The following ERBB4 variants were observed in gnomAD, a reference collection of about 807,000 sequenced individuals.
ERBB4 encodes erb-b2 receptor tyrosine kinase 4, also known as receptor tyrosine-protein kinase erbB-4.
In ERBB4, 42 loss-of-function variants were observed where a neutral mutation model predicts 158.0. That is an observed-to-expected ratio of 0.27 (90% CI 0.21 to 0.34). The LOEUF (loss-of-function observed/expected upper bound fraction) is 0.34. Ranked by LOEUF, ERBB4 falls within the 10% of genes least tolerant of loss-of-function variation. The pLI, the probability that ERBB4 is intolerant of heterozygous loss-of-function variation, is 1.00. For synonymous variants in ERBB4, 583 were observed against 558.7 expected, an observed-to-expected ratio of 1.04 and a Z score of -0.61; for missense variants, 1,333 against 1,624.1, an observed-to-expected ratio of 0.82 and a Z score of 3.08.
chr2:212,098,933 A>T (rs2079004786), intron 2 of ERBB4, among the ~76,000 whole-genome samples: 1 of 152,040 alleles, frequency 6.6e-6, no homozygotes, highest in Non-Finnish European at 1.5e-5. Flanking sequence ...CACCTACTGT[A>T]CTACCCATGG....
intron 3 of ERBB4, among the ~76,000 whole-genome samples, chr2:211,906,380 T>A (rs1225470535): frequency 6.6e-6 from 1 of 152,108 alleles, no homozygotes; most frequent in Non-Finnish European, 1.5e-5. Context: ...ATAGCTCACA[T>A]TCACAGAAAT....
chr2:211,991,863 G>A (rs1338403592), intron 2 of ERBB4, among the ~76,000 whole-genome samples: 2 of 152,166 alleles, frequency 1.3e-5, no homozygotes, highest in Non-Finnish European at 2.9e-5. Context: ...TCTGTTTTCA[G>A]TAGAAGTACA....
At chr2:211,772,025 T>A (rs926274702) in intron 4 of ERBB4, among the ~76,000 whole-genome samples, 1 of 152,196 alleles carries the variant, frequency 6.6e-6, no homozygotes, top group Non-Finnish European at 1.5e-5. Flanking sequence ...AAAGGTAATA[T>A]ATACTAGAAA....
chr2:211,773,983 C>T (rs770905934), intron 4 of ERBB4, among the ~76,000 whole-genome samples: 11 of 151,740 alleles, frequency 7.2e-5, no homozygotes, highest in Non-Finnish European at 1.3e-4. Context: ...TAACTTATTC[C>T]GTTGATCAAA....
At chr2:212,480,309 A>G (rs1231974131) in intron 1 of ERBB4, among the ~76,000 whole-genome samples, 1 of 152,170 alleles carries the variant, frequency 6.6e-6, no homozygotes, top group Non-Finnish European at 1.5e-5. Context: ...CAGTATGTAA[A>G]AAGCTTGGCA....
chr2:211,775,327 A>G (rs2075845948), intron 4 of ERBB4, among the ~76,000 whole-genome samples: 1 of 152,096 alleles, frequency 6.6e-6, no homozygotes, highest in African/African-American at 2.4e-5. Context: ...TTTCTAGTTA[A>G]TAGATTATGC....
chr2:212,263,921 A>G (rs2085035680), intron 1 of ERBB4, among the ~76,000 whole-genome samples: 1 of 152,020 alleles, frequency 6.6e-6, no homozygotes, highest in Non-Finnish European at 1.5e-5. Context: ...TGCCATTGTA[A>G]TTGTTAGACC....
At chr2:211,930,511 T>C (rs894039742) in intron 3 of ERBB4, among the ~76,000 whole-genome samples, 2 of 152,136 alleles carry the variant, frequency 1.3e-5, no homozygotes, top group African/African-American at 4.8e-5. Flanking sequence ...GGTTACCGAG[T>C]CTGCAAACCA....
At chr2:212,013,564 G>GT (rs1257521997) in intron 2 of ERBB4, among the ~76,000 whole-genome samples, 1 of 152,184 alleles carries the variant, frequency 6.6e-6, no homozygotes, top group African/African-American at 2.4e-5. Flanking sequence ...GAGGGTTAGG[G>GT]TAAGTCCTAA....
At chr2:211,480,388 T>C (rs1318529008) in intron 20 of ERBB4, among the ~76,000 whole-genome samples, 1 of 152,184 alleles carries the variant, frequency 6.6e-6, no homozygotes, top group Non-Finnish European at 1.5e-5. Flanking sequence ...ATTTCTCACT[T>C]ACTGTTCTTG....
chr2:212,450,821 GAAA>G (rs57931477), intron 1 of ERBB4, among the ~76,000 whole-genome samples: 4 of 92,848 alleles, frequency 4.3e-5, no homozygotes, highest in Non-Finnish European at 6.6e-5. Flanking sequence ...TTTCAGCCGA[GAAA>G]AAAAAAAAAA....
rs1263898365 is a variant in ERBB4, at chr2:211,562,803, G to C, written c.2302-715C>G. Reference sequence around the variant, plus strand: ...TTTTTTTTTTTTGAGACGGAGTCTCGCTCTGTCGCCCAGGCTGGAGTGCAG... The same window carrying C: ...TTTTTTTTTTTTGAGACGGAGTCTCCCTCTGTCGCCCAGGCTGGAGTGCAG... On this transcript the variant is annotated intron_variant, in intron 19 of 27. Transcript: ENST00000342788. 2.7e-5 allele frequency among the ~76,000 whole-genome samples: 3 copies of C among 113,054 alleles called. No homozygotes were observed. In the East Asian group the frequency reaches 6.5e-4, roughly 25 times the overall value. The allele number at this position is 113,054 out of a possible 152,430, so 74.2% of individuals were successfully genotyped here. A position where few individuals can be genotyped will look rare whatever the true frequency, so the allele number is the denominator to read the frequency against.
At chr2:211,424,436 T>C (rs2125412634) in intron 22 of ERBB4, 135 bp from the exon 23 acceptor site, 1 of 651,214 alleles carries the variant, frequency 1.5e-6, no homozygotes, top group Admixed American at 2.9e-5. Flanking sequence ...AAAAGCTCCA[T>C]AAATTCCTGC....
rs71054136 is a variant in ERBB4, at chr2:211,721,443, C to CAAAAAAAAAAAAAAAA, written c.883+934_883+949dup. ...GAAATGTCCCATTGGTTACTCAAAG[C>CAAAAAAAAAAAAAAAA]AAAAAAAAAAAAAAAAAAAAAATAG... On this transcript the variant is annotated intron_variant, in intron 7 of 27. Coordinates refer to ENST00000342788, the MANE Select transcript of ERBB4 (RefSeq NM_005235.3). 5.0e-3 allele frequency among the ~76,000 whole-genome samples: 270 copies of CAAAAAAAAAAAAAAAA among 54,476 alleles called. 54 individuals carry two copies. The highest frequency in any genetic ancestry group is 9.2e-3 in the African/African-American group (97 of 10,530). 35.7% of individuals were successfully genotyped at this position (54,476 alleles called of 152,430 possible).
At chr2:212,455,483 G>A (rs1447715803) in intron 1 of ERBB4, among the ~76,000 whole-genome samples, 2 of 151,980 alleles carry the variant, frequency 1.3e-5, no homozygotes, top group South Asian at 2.1e-4. Context: ...CATGGCTGTT[G>A]AGCATGCAAA....
chr2:211,672,893 C>G (rs2105937911), intron 14 of ERBB4, among the ~76,000 whole-genome samples: 1 of 152,178 alleles, frequency 6.6e-6, no homozygotes, highest in East Asian at 1.9e-4. Flanking sequence ...TTATTCTTTT[C>G]TATACTGTGC....
intron 1 of ERBB4, among the ~76,000 whole-genome samples, chr2:212,353,929 G>A (rs2089362980): frequency 6.6e-6 from 1 of 152,062 alleles, no homozygotes; most frequent in Admixed American, 6.6e-5. Context: ...TCTTATACAG[G>A]GACTTGGGAG....
chr2:211,792,002 A>G (rs1361696238), intron 3 of ERBB4, among the ~76,000 whole-genome samples: 4 of 151,740 alleles, frequency 2.6e-5, no homozygotes, highest in African/African-American at 9.7e-5. Flanking sequence ...AAGCCCCATG[A>G]AGGTAAGAAA....
chr2:212,195,697 A>T (rs2082406426), intron 1 of ERBB4, among the ~76,000 whole-genome samples: 1 of 152,086 alleles, frequency 6.6e-6, no homozygotes, highest in African/African-American at 2.4e-5. Context: ...ATAAACAACA[A>T]AAACATGGCT....
Sources: gnomAD v4.1 joint callset for allele counts (sites outside exome capture counted in the v4.1 genomes callset) on GRCh38, gnomAD v4.1.1 for gene constraint, MANE v1.5 for transcripts, NCBI Gene and HGNC (gene_info 2026-07-23, HGNC 2026-07-21) for gene names.